Variants in SCD5 observed in about 807,000 individuals in gnomAD.
SCD5 encodes acyl-CoA-desaturase 4.
In SCD5, 20 loss-of-function variants were observed where a neutral mutation model predicts 30.4. The ratio of observed to expected loss-of-function variants is 0.66; its 90% CI spans 0.46 to 0.96. The LOEUF (loss-of-function observed/expected upper bound fraction) is 0.96. Ranked by LOEUF, SCD5 falls within the 40% of genes least tolerant of loss-of-function variation. The pLI is 0.00. For synonymous variants in SCD5, 173 were observed against 176.4 expected (o/e 0.98, Z 0.16); for missense variants, 381 against 443.3 (o/e 0.86, Z 1.26).
At chr4:82,694,240 C>A (rs556075809) in intron 2 of SCD5, among the ~76,000 whole-genome samples, 6 of 152,348 alleles carry the variant, frequency 3.9e-5, no homozygotes, top group South Asian at 4.1e-4. Flanking sequence ...CAAGCCCACA[C>A]CGTGCTTAGC....
chr4:82,758,992 C>A (rs1490215427), intron 1 of SCD5, among the ~76,000 whole-genome samples: 2 of 152,252 alleles, frequency 1.3e-5, no homozygotes. Context: ...TCCGCCCCAG[C>A]GCCCCGCTGA....
At chr4:82,796,127 G>A (rs1024068798) in intron 1 of SCD5, among the ~76,000 whole-genome samples, 2 of 151,786 alleles carry the variant, frequency 1.3e-5, no homozygotes, top group Non-Finnish European at 2.9e-5. Context: ...AAAATTAGCC[G>A]GGCGTGGTGG....
chr4:82,646,548 G>A (rs1417327565), intron 3 of SCD5, among the ~76,000 whole-genome samples: 1 of 152,178 alleles, frequency 6.6e-6, no homozygotes, highest in Non-Finnish European at 1.5e-5. Flanking sequence ...ACTTAGGATT[G>A]CTTTGTTTGA....
In SCD5 at chr4:82,740,569, C is replaced by T. The variant is rs561827801; in HGVS notation, c.233-35156G>A. On this transcript the variant is annotated intron_variant, in intron 1 of 4. Coordinates refer to ENST00000319540, the MANE Select transcript of SCD5 (RefSeq NM_001037582.3). ...AACTCAGACAGACATATTGACTTAC[C>T]GATAACTTCATTAATGAAAGCACCT... is the stretch of plus-strand genomic sequence containing the variant. 2.8e-3 allele frequency among the ~76,000 whole-genome samples: 426 copies of T among 152,250 alleles called. 2 individuals carry two copies. Among genetic ancestry groups the T allele is most frequent in the African/African-American group, 9.8e-3 (407 of 41,542 alleles).
intron 1 of SCD5, among the ~76,000 whole-genome samples, chr4:82,735,004 G>A (rs1464058817): frequency 6.6e-6 from 1 of 151,294 alleles, no homozygotes; most frequent in Non-Finnish European, 1.5e-5. Flanking sequence ...CCTGAGCTCA[G>A]GCAATCTGCC....
rs139216034 is a variant in SCD5 at position 82,708,707 on chromosome 4, T to G, written c.233-3294A>C. On this transcript the variant is annotated intron_variant, in intron 1 of 4. Transcript: ENST00000319540. ...TTTGATAATGACTGTAGTGACCCCC[T>G]CCTGACTATATGACAGAGAACAGTC... 1.7e-4 allele frequency among the ~76,000 whole-genome samples: 26 copies of G among 152,200 alleles called. No individual in the cohort carries two copies. In the East Asian group the frequency reaches 5.0e-3, roughly 29 times the overall value.
At chr4:82,672,490 A>C (rs1560530026) in intron 3 of SCD5, among the ~76,000 whole-genome samples, 1 of 152,134 alleles carries the variant, frequency 6.6e-6, no homozygotes, top group Non-Finnish European at 1.5e-5. Flanking sequence ...CTACCAAAAC[A>C]AGAAAAAATA....
intron 1 of SCD5, among the ~76,000 whole-genome samples, chr4:82,790,678 T>C (rs1278841465): frequency 1.3e-5 from 2 of 152,116 alleles, no homozygotes; most frequent in Non-Finnish European, 2.9e-5. Flanking sequence ...GTAAGTGCAA[T>C]GAAGTCAAGG....
At chr4:82,666,019 G>A (rs1578012425) in intron 3 of SCD5, among the ~76,000 whole-genome samples, 1 of 152,194 alleles carries the variant, frequency 6.6e-6, no homozygotes, top group East Asian at 1.9e-4. Context: ...GCTAAAAAGT[G>A]TAATTTTATT....
intron 2 of SCD5, among the ~76,000 whole-genome samples, chr4:82,689,859 TGAG>T (rs564477876): frequency 2.0e-3 from 308 of 152,328 alleles, no homozygotes; most frequent in African/African-American, 7.0e-3. Flanking sequence ...TTTTCAATGC[TGAG>T]GAGGACACAA....
chr4:82,673,241 T>C (rs961645413), intron 3 of SCD5, among the ~76,000 whole-genome samples: 11 of 141,320 alleles, frequency 7.8e-5, no homozygotes, highest in African/African-American at 2.8e-4. Context: ...TTGTAGATGA[T>C]GTGTTGTCTT....
intron 2 of SCD5, among the ~76,000 whole-genome samples, chr4:82,685,132 G>A: frequency 6.6e-6 from 1 of 152,154 alleles, no homozygotes; most frequent in South Asian, 2.1e-4. Context: ...GATTATTCCT[G>A]ATAAAAAATT....
chr4:82,711,305 G>A (rs1190253229), intron 1 of SCD5, among the ~76,000 whole-genome samples: 6 of 151,804 alleles, frequency 4.0e-5, no homozygotes, highest in African/African-American at 1.5e-4. Flanking sequence ...ATTTGGCAAT[G>A]TTTTGAGACA....
chr4:82,640,480 A>G (rs1048877628), intron 3 of SCD5, among the ~76,000 whole-genome samples: 1 of 152,250 alleles, frequency 6.6e-6, no homozygotes, highest in Non-Finnish European at 1.5e-5. Flanking sequence ...GTAATCGGCT[A>G]GGATTCCTCT....
rs748973200 is a variant in SCD5, at chr4:82,798,402, C to T, written c.136G>A (p.Val46Ile). The T allele has an allele frequency of 4.9e-5, 79 of 1,613,382 alleles. No homozygotes were observed. Among genetic ancestry groups the T allele is most frequent in the Non-Finnish European group, 6.1e-5 (72 of 1,179,700 alleles). Residue 46 changes from valine (V) to isoleucine (I), a missense_variant, in exon 1 of 5, where the codon GTC becomes ATC. Physicochemically the swap from Val to Ile is conservative, Grantham distance 29. Coordinates refer to ENST00000319540, the MANE Select transcript of SCD5 (RefSeq NM_001037582.3). ...PGARGQRQNI[V>I]WRNVVLMSLL... ...CTCATCAGGACGACATTCCTCCAGA[C>T]GATGTTCTGCCGCTGCCCGCGCGCG...
intron 1 of SCD5, among the ~76,000 whole-genome samples, chr4:82,718,580 AT>A (rs1195511973): frequency 2.0e-5 from 3 of 151,788 alleles, no homozygotes; most frequent in East Asian, 1.9e-4. Flanking sequence ...TACAAAACAC[AT>A]TTTTTTCAAG....
intron 1 of SCD5, among the ~76,000 whole-genome samples, chr4:82,773,178 C>T (rs1721667086): frequency 6.6e-6 from 1 of 152,198 alleles, no homozygotes; most frequent in Non-Finnish European, 1.5e-5. Context: ...CCGCATTCTG[C>T]AATTGCATGT....
At chr4:82,777,391 G>T (rs983924815) in intron 1 of SCD5, among the ~76,000 whole-genome samples, 1 of 152,226 alleles carries the variant, frequency 6.6e-6, no homozygotes, top group East Asian at 1.9e-4. Context: ...CAAGTTTTGT[G>T]ATAAGAAAGT....
intron 1 of SCD5, among the ~76,000 whole-genome samples, chr4:82,724,950 A>T (rs1195891289): frequency 6.6e-6 from 1 of 152,146 alleles, no homozygotes; most frequent in Non-Finnish European, 1.5e-5. Context: ...AATAAGAAAC[A>T]ATTTTCACTC....
Sources: gnomAD v4.1 joint callset for allele counts (sites outside exome capture counted in the v4.1 genomes callset) on GRCh38, gnomAD v4.1.1 for gene constraint, MANE v1.5 for transcripts, NCBI Gene and HGNC (gene_info 2026-07-23, HGNC 2026-07-21) for gene names.